LIMCH1: variants seen among roughly 807,000 people sequenced by gnomAD.
LIMCH1 encodes LIM and calponin homology domains-containing protein 1.
A neutral mutation model predicts 176.5 loss-of-function variants in LIMCH1; 113 were observed. The observed-to-expected ratio is 0.64, with a 90% confidence interval of 0.55 to 0.75. LIMCH1 has a LOEUF of 0.75. Ranked by LOEUF, LIMCH1 falls within the 30% of genes least tolerant of loss-of-function variation. LIMCH1 has a pLI of 0.00. For missense variants in LIMCH1, 1,674 were observed against 1,814.9 expected, an observed-to-expected ratio of 0.92 and a Z score of 1.41; for synonymous variants, 619 against 645.9, an observed-to-expected ratio of 0.96 and a Z score of 0.63.
chr4:41,608,520 T>C (rs995297666), intron 4 of LIMCH1, among the ~76,000 whole-genome samples: 10 of 152,214 alleles, frequency 6.6e-5, no homozygotes, highest in African/African-American at 2.4e-4. Flanking sequence ...TATCCACAAA[T>C]TTTTATATTC....
intron 2 of LIMCH1, among the ~76,000 whole-genome samples, chr4:41,602,832 C>G (rs1050253827): frequency 6.6e-6 from 1 of 151,934 alleles, no homozygotes; most frequent in Non-Finnish European, 1.5e-5. Flanking sequence ...ACAACAAACC[C>G]TAGCAGATAT....
intron 1 of LIMCH1, among the ~76,000 whole-genome samples, chr4:41,414,399 T>G (rs1204948353): frequency 6.6e-6 from 1 of 152,184 alleles, no homozygotes; most frequent in African/African-American, 2.4e-5. Context: ...TGTTTTCCTC[T>G]CAACTTCTCA....
intron 18 of LIMCH1, among the ~76,000 whole-genome samples, chr4:41,660,993 C>T (rs2094598331): frequency 1.3e-5 from 2 of 152,138 alleles, no homozygotes; most frequent in Non-Finnish European, 2.9e-5. Context: ...CTAAAATCCA[C>T]AATGGTAAGG....
At chr4:41,438,205 T>C (rs550854597) in intron 1 of LIMCH1, among the ~76,000 whole-genome samples, 1 of 152,290 alleles carries the variant, frequency 6.6e-6, no homozygotes, top group South Asian at 2.1e-4. Flanking sequence ...AGCTGCTCAT[T>C]GAACAGAGAT....
intron 1 of LIMCH1, among the ~76,000 whole-genome samples, chr4:41,472,109 A>G (rs1432538097): frequency 2.6e-5 from 4 of 152,200 alleles, no homozygotes; most frequent in African/African-American, 4.8e-5. Flanking sequence ...CTGTAAGTCC[A>G]CGTTTTCTTT....
intron 1 of LIMCH1, among the ~76,000 whole-genome samples, chr4:41,419,669 CTTCCTTCCTTCCTCCTTCCTTCCTTCCT>C (rs2060388520): frequency 2.2e-5 from 2 of 92,982 alleles, no homozygotes; most frequent in Admixed American, 1.1e-4. Flanking sequence ...TCCTTCCTTC[CTTCCTTCCTTCCTCCTTCCTTCCTTCCT>C]TCCTTCCTTC....
intron 1 of LIMCH1, among the ~76,000 whole-genome samples, chr4:41,474,798 A>G (rs1363514404): frequency 6.6e-6 from 1 of 152,164 alleles, no homozygotes; most frequent in African/African-American, 2.4e-5. Context: ...TAAAATTATC[A>G]TATGCTCCAG....
chr4:41,673,850 C>G (rs2095130982), intron 22 of LIMCH1, among the ~76,000 whole-genome samples: 1 of 152,144 alleles, frequency 6.6e-6, no homozygotes, highest in Non-Finnish European at 1.5e-5. Flanking sequence ...TAAATGCTGT[C>G]CATTCTGACT....
chr4:41,663,089 TCTC>T, intron 20 of LIMCH1, 105 bp downstream of exon 20: 4 of 1,050,544 alleles, frequency 3.8e-6, no homozygotes, highest in South Asian at 1.6e-5. Flanking sequence ...GATTTATTTC[TCTC>T]CTCATCTTTT....
At chr4:41,670,908 T>A in intron 21 of LIMCH1, 1 of 1,461,028 alleles carries the variant, frequency 6.8e-7, no homozygotes. Context: ...TTATTTCTTA[T>A]GCACAGTTAG....
intron 1 of LIMCH1, among the ~76,000 whole-genome samples, chr4:41,376,228 AGTGTTTAGGTATG>A (rs1350448816): frequency 2.6e-5 from 4 of 152,140 alleles, no homozygotes; most frequent in Non-Finnish European, 5.9e-5. Flanking sequence ...AATGAGTAAG[AGTGTTTAGGTATG>A]GTGTCAAGTT....
rs1252461961 is a variant in LIMCH1 at position 41,526,291 on chromosome 4, A to AC, written c.237+1814dup. ...TTTTTTTTTTTGCCCCTTTCAATGA[A>AC]CACCTCCCCTGCTTACCGTCACCCT... On this transcript the variant is annotated intron_variant, in intron 3 of 26. Coordinates refer to the LIMCH1 transcript ENST00000313860. Among the ~76,000 whole-genome samples the AC allele has an allele frequency of 2.7e-5, 4 of 146,962 alleles. No homozygotes were observed. In the East Asian group the frequency reaches 7.9e-4, roughly 29 times the overall value.
At chr4:41,494,454 TACAC>T (rs1050154144) in intron 1 of LIMCH1, 33 of 921,926 alleles carry the variant, frequency 3.6e-5, no homozygotes, top group South Asian at 7.2e-5. Flanking sequence ...TACACACACA[TACAC>T]ACACACATAT....
intron 18 of LIMCH1, among the ~76,000 whole-genome samples, chr4:41,659,829 T>C (rs1438490578): frequency 6.6e-6 from 1 of 152,154 alleles, no homozygotes; most frequent in African/African-American, 2.4e-5. Context: ...TAACATTTTA[T>C]TTATTTTTAC....
rs552834280 is a variant in LIMCH1, at chr4:41,602,081, G to A, written c.-133-1794G>A. Among the ~76,000 whole-genome samples the A allele has an allele frequency of 2.8e-5, 4 of 144,198 alleles. No homozygotes were observed. The South Asian group carries it at 6.7e-4, about 24-fold the overall frequency. 94.6% of individuals were successfully genotyped at this position (144,198 alleles called of 152,430 possible). A position where few individuals can be genotyped will look rare whatever the true frequency, so the allele number is the denominator to read the frequency against. ...GCAGTTTTTCTTGTGTGGTGTGTGT[G>A]TGTGTGTGTGTGTGTTTTCTTTTAG... On this transcript the variant is annotated intron_variant, in intron 2 of 31. Coordinates refer to ENST00000503057, the MANE Select transcript of LIMCH1 (RefSeq NM_001330672.2).
At chr4:41,392,929 G>C (rs1267796134) in intron 1 of LIMCH1, among the ~76,000 whole-genome samples, 1 of 152,130 alleles carries the variant, frequency 6.6e-6, no homozygotes, top group African/African-American at 2.4e-5. Context: ...CTACTTGGGA[G>C]GCTGAGGCAG....
Position 41,687,392 on chromosome 4 carries a change from T to C in LIMCH1, c.4089-448T>C, listed in dbSNP as rs547616487. ...CACTGAAAATAGCTCCTTTAAGTTC[T>C]GCCCTTTATCTCTGGGCTCTCCTTG... On this transcript the variant is annotated intron_variant, in intron 28 of 31. Coordinates refer to ENST00000503057, the MANE Select transcript of LIMCH1 (RefSeq NM_001330672.2). Among the ~76,000 whole-genome samples, 5 of 152,338 alleles carry C rather than the reference T, an allele frequency of 3.3e-5. No homozygotes were observed. The East Asian group carries it at 7.7e-4, about 23-fold the overall frequency.
At chr4:41,633,865 G>A in intron 13 of LIMCH1, 57 bp downstream of exon 13, 6 of 1,507,774 alleles carry the variant, frequency 4.0e-6, no homozygotes, top group South Asian at 3.7e-5. Flanking sequence ...AGCTTTCAGT[G>A]TGTTCTTAAT....
intron 22 of LIMCH1, among the ~76,000 whole-genome samples, chr4:41,672,386 A>T (rs1381838007): frequency 6.6e-6 from 1 of 152,180 alleles, no homozygotes; most frequent in African/African-American, 2.4e-5. Context: ...AAGAAAAAAG[A>T]ATAGAATAGA....
Sources: allele counts gnomAD v4.1 joint callset (sites outside exome capture counted in the v4.1 genomes callset), GRCh38; gene constraint gnomAD v4.1.1; transcripts MANE v1.5; gene names NCBI Gene and HGNC (gene_info 2026-07-23, HGNC 2026-07-21).